NUTM1: variants seen among roughly 807,000 people sequenced by gnomAD.
NUTM1 encodes the protein NUT midline carcinoma family member 1.
NUTM1 carries 39 observed loss-of-function variants against 88.7 expected under a neutral mutation model. The ratio of observed to expected loss-of-function variants is 0.44; its 90% CI spans 0.34 to 0.57. NUTM1 has a LOEUF of 0.57. NUTM1 is among the 20% of genes least tolerant of loss of function. The pLI, the probability that NUTM1 is intolerant of heterozygous loss-of-function variation, is 0.01. For synonymous variants in NUTM1, 494 were observed against 538.0 expected (o/e 0.92, Z 1.13); for missense variants, 1,350 against 1,414.5 (o/e 0.95, Z 0.73).
chr15:34,344,097 C>T (rs1890537466), intron 1 of NUTM1, among the ~76,000 whole-genome samples: 1 of 151,518 alleles, frequency 6.6e-6, no homozygotes, highest in African/African-American at 2.4e-5. Flanking sequence ...TGGTGGGCGC[C>T]TGTAGTCCCA....
chr15:34,346,604 G>A (rs1309323895), intron 2 of NUTM1, among the ~76,000 whole-genome samples: 3 of 148,444 alleles, frequency 2.0e-5, no homozygotes, highest in Non-Finnish European at 4.5e-5. Flanking sequence ...TGCTTGGGCC[G>A]GGTGCGGTGG....
chr15:34,354,249 C>T (rs1321743505), intron 5 of NUTM1, among the ~76,000 whole-genome samples, 197 bp from the exon 6 acceptor site: 1 of 152,192 alleles, frequency 6.6e-6, no homozygotes, highest in Non-Finnish European at 1.5e-5. Flanking sequence ...GGCGCTTTTT[C>T]AGGTTGGCCC....
In NUTM1 at chr15:34,346,015, A is replaced by T. The variant is rs1890580369; in HGVS notation, c.80A>T (p.Glu27Val). ...SRQPQLVPKP[E>V]RMASDGASAL... ...CAGCCACAGTTAGTGCCCAAACCTG[A>T]GAGGATGGCTTCAGATGGAGGTAAG... The change falls in exon 2 of 8, where the codon GAG (glutamate) becomes GTG (valine). Residue 27 changes from glutamate (E) to valine (V), a missense_variant. Around this residue, in one of 5 missense-constraint regions of NUTM1, gnomAD observed 399 missense variants for 397.9 expected, o/e 1.00. Transcript: ENST00000537011. 1 of 1,614,040 alleles carries T rather than the reference A, an allele frequency of 6.2e-7. No homozygotes were observed. Among genetic ancestry groups the T allele is most frequent in the Non-Finnish European group, 8.5e-7 (1 of 1,180,042 alleles).
At position 34,343,624 on chromosome 15, in the gene NUTM1, T is replaced by C; in HGVS notation, c.-73T>C. 6.5e-7 allele frequency: 1 copy of C among 1,535,168 alleles called. No individual in the cohort carries two copies. The highest frequency in any genetic ancestry group is 8.7e-7 in the Non-Finnish European group (1 of 1,146,484). On this transcript the variant is annotated 5_prime_UTR_variant, in exon 1 of 8. Transcript: ENST00000537011. ...AGAGCGTAAAGTTATTTTATGAAAC[T>C]GGTGAAGCATGTTTCAGCGGTCGAA...
Position 34,348,661 on chromosome 15 carries a change from C to G in NUTM1, c.793C>G (p.Leu265Val). 1 of 1,604,000 alleles carries G rather than the reference C, an allele frequency of 6.2e-7. No individual in the cohort carries two copies. Among genetic ancestry groups the G allele is most frequent in the Non-Finnish European group, 8.5e-7 (1 of 1,178,154 alleles). Residue 265 changes from leucine (L) to valine (V), a missense_variant, in exon 3 of 8, where the codon CTT becomes GTT. Coordinates refer to ENST00000537011, the MANE Select transcript of NUTM1 (RefSeq NM_001284292.2). Reference protein sequence around the residue: ...HLSQSPDTEALSCFLIPVLRS... With the variant: ...HLSQSPDTEAVSCFLIPVLRS... The stretch of plus-strand genomic sequence containing the variant: ...ATCCCAGAGTCCTGACACAGAAGCT[C>G]TTTCCTGTTTTCTTATGTAAGTGGG...
intron 6 of NUTM1, 75 bp downstream of exon 6, chr15:34,354,807 T>C: frequency 6.9e-7 from 1 of 1,455,112 alleles, no homozygotes; most frequent in Non-Finnish European, 9.6e-7. Flanking sequence ...GATCTGGGGT[T>C]TGTCCAATGC....
intron 6 of NUTM1, 36 bp from the exon 7 acceptor site, chr15:34,354,985 T>C: frequency 6.7e-7 from 1 of 1,498,358 alleles, no homozygotes; most frequent in South Asian, 1.1e-5. Context: ...GGTTACCTGC[T>C]TACAGACTTA....
intron 4 of NUTM1, among the ~76,000 whole-genome samples, chr15:34,351,142 C>T (rs377738061): frequency 2.3e-5 from 3 of 132,712 alleles, no homozygotes; most frequent in South Asian, 2.5e-4. Context: ...GCAGGAGAAT[C>T]GTTTGAACCT....
At position 34,354,980 on chromosome 15, in the gene NUTM1, C is replaced by T. The variant is rs1262660427; in HGVS notation, c.1363-41C>T. ...GTAAAGCCCCTTGTTTCACAGGTTA[C>T]CTGCTTACAGACTTACATCGCTTTT... On this transcript the variant is annotated intron_variant, in intron 6 of 7. Coordinates refer to ENST00000537011, the MANE Select transcript of NUTM1 (RefSeq NM_001284292.2). 9.6e-6 allele frequency: 14 copies of T among 1,464,398 alleles called. No individual in the cohort carries two copies. The East Asian group carries it at 2.9e-4, about 31-fold the overall frequency. 90.7% of individuals were successfully genotyped at this position (1,464,398 alleles called of 1,614,324 possible).
rs138112379 is a variant in NUTM1, at chr15:34,357,047, G to A, written c.3039G>A (p.Pro1013=). 1.3e-5 allele frequency: 21 copies of A among 1,613,864 alleles called. No individual in the cohort carries two copies. The highest frequency in any genetic ancestry group is 6.7e-5 in the African/African-American group (5 of 74,842). The part of the protein sequence containing the change: ...PRRGTRNAIV[P]RETSVSKTHR... The stretch of plus-strand genomic sequence containing the variant: ...GGGGAACCAGGAATGCCATAGTTCC[G>A]AGAGAAACTTCTGTTAGTAAAACAC... Residue 1013 remains proline (P), a synonymous_variant, in exon 8 of 8, where the codon CCG becomes CCA. Transcript: ENST00000537011.
chr15:34,349,763 C>T (rs1332019023), intron 3 of NUTM1, among the ~76,000 whole-genome samples: 2 of 152,198 alleles, frequency 1.3e-5, no homozygotes, highest in Non-Finnish European at 1.5e-5. Flanking sequence ...CAAGATGTTC[C>T]CCCAAAGTCC....
In NUTM1 at chr15:34,357,492, G is replaced by A. The variant is rs779356797; in HGVS notation, c.*1G>A. ...GAAGAAACGACGTCGTAGCCAGTAGGGAGCAGCGGGACCATCTGACCCCAC... is the reference window on the plus strand; with the variant it reads ...GAAGAAACGACGTCGTAGCCAGTAGAGAGCAGCGGGACCATCTGACCCCAC... On this transcript the variant is annotated 3_prime_UTR_variant, in exon 8 of 8. Transcript: ENST00000537011. 1 of 1,612,562 alleles carries A rather than the reference G, an allele frequency of 6.2e-7. No homozygotes were observed. Among genetic ancestry groups the A allele is most frequent in the Non-Finnish European group, 8.5e-7 (1 of 1,179,480 alleles).
intron 4 of NUTM1, among the ~76,000 whole-genome samples, chr15:34,351,204 G>A (rs1890701752): frequency 9.0e-6 from 1 of 111,050 alleles, no homozygotes; most frequent in Non-Finnish European, 1.7e-5. Flanking sequence ...CTCCAGCATG[G>A]GTGACAGAGC....
rs1413524356 is a variant in NUTM1 at position 34,356,756 on chromosome 15, C to T, written c.2748C>T (p.Gly916=). Residue 916 remains glycine (G), a synonymous_variant, in exon 8 of 8, where the codon GGC becomes GGT. Coordinates refer to ENST00000537011, the MANE Select transcript of NUTM1 (RefSeq NM_001284292.2). The part of the protein sequence containing the change: ...PEASQEAGSR[G]NSFSPLLETI... ...CCAGTCAAGAGGCAGGGAGCAGAGG[C>T]AATTCCTTTTCTCCTCTGTTGGAAA... 4.3e-6 allele frequency: 7 copies of T among 1,612,330 alleles called. No homozygotes were observed. The Admixed American group carries it at 6.7e-5, about 15-fold the overall frequency.
chr15:34,355,237 C>T lies in NUTM1; in HGVS notation c.1479+100C>T. 7.0e-6 allele frequency: 6 copies of T among 860,894 alleles called. No homozygotes were observed. The South Asian group carries it at 9.0e-5, about 13-fold the overall frequency. 53.3% of individuals were successfully genotyped at this position (860,894 alleles called of 1,614,324 possible). A position where few individuals can be genotyped will look rare whatever the true frequency, so the allele number is the denominator to read the frequency against. On this transcript the variant is annotated intron_variant, in intron 7 of 7. Coordinates refer to ENST00000537011, the MANE Select transcript of NUTM1 (RefSeq NM_001284292.2). The surrounding 1 kb of genome is among the most constrained non-coding windows in gnomAD (Gnocchi z 4.3). ...ATATGGCTCTAGAGATGAACAGCTT[C>T]AGGATTGGGCTTCAGGTGCAGAACG... is the stretch of plus-strand genomic sequence containing the variant.
In NUTM1 at chr15:34,356,089, G is replaced by T. The variant is rs1890802407; in HGVS notation, c.2081G>T (p.Gly694Val). The change falls in exon 8 of 8, where the codon GGT (glycine) becomes GTT (valine). Residue 694 changes from glycine (G) to valine (V), a missense_variant. Around this residue, in one of 5 missense-constraint regions of NUTM1, gnomAD observed 730 missense variants for 728.8 expected, o/e 1.00. Transcript: ENST00000537011. ...TTGCAGAAAGGACAACAAACAGGGGGTCGTGGAGTGCTTCCTCAAGGGAAG... is the reference window on the plus strand; with the variant it reads ...TTGCAGAAAGGACAACAAACAGGGGTTCGTGGAGTGCTTCCTCAAGGGAAG... The part of the protein sequence containing the change: ...LGLQKGQQTG[G>V]RGVLPQGKEP... 7.4e-6 allele frequency: 12 copies of T among 1,613,718 alleles called. No homozygotes were observed. In the East Asian group the frequency reaches 2.5e-4, roughly 33 times the overall value.
intron 2 of NUTM1, 46 bp from the exon 3 acceptor site, chr15:34,347,923 T>G: frequency 8.8e-7 from 1 of 1,139,706 alleles, no homozygotes; most frequent in African/African-American, 1.6e-5. Flanking sequence ...CTAACTCTGG[T>G]CTTCTTTTCT....
Position 34,355,261 on chromosome 15 carries a change from C to A in NUTM1, c.1479+124C>A. ...TCAGGATTGGGCTTCAGGTGCAGAA[C>A]GAGTAGGTAGAGGGCTATGGAAACA... is the stretch of plus-strand genomic sequence containing the variant. On this transcript the variant is annotated intron_variant, in intron 7 of 7. Transcript: ENST00000537011. This position sits in a 1 kb window ranked among gnomAD's most constrained non-coding sequence, Gnocchi z 4.3. 5.1e-6 allele frequency: 4 copies of A among 776,782 alleles called. No homozygotes were observed. Among genetic ancestry groups the A allele is most frequent in the Admixed American group, 2.1e-5 (1 of 46,538 alleles). 48.1% of individuals were successfully genotyped at this position (776,782 alleles called of 1,614,324 possible). A position where few individuals can be genotyped will look rare whatever the true frequency, so the allele number is the denominator to read the frequency against.
intron 3 of NUTM1, among the ~76,000 whole-genome samples, chr15:34,349,022 G>A (rs761089557): frequency 2.0e-5 from 3 of 152,096 alleles, no homozygotes; most frequent in Non-Finnish European, 2.9e-5. Context: ...TCCTCCCCCC[G>A]TTCTATTTTA....
Sources: allele counts gnomAD v4.1 joint callset (sites outside exome capture counted in the v4.1 genomes callset), GRCh38; gene constraint gnomAD v4.1.1; regional missense constraint gnomAD v4.1.1; non-coding constraint Gnocchi (gnomAD v3.1); transcripts MANE v1.5; gene names NCBI Gene and HGNC (gene_info 2026-07-23, HGNC 2026-07-21).